TASP1: variants seen among roughly 807,000 people sequenced by gnomAD.
The protein encoded by TASP1 is threonine aspartase 1.
TASP1 carries 16 observed loss-of-function variants against 56.6 expected under a neutral mutation model. The ratio of observed to expected loss-of-function variants is 0.28; its 90% CI spans 0.19 to 0.43. TASP1 has a LOEUF of 0.43. Ranked by LOEUF, TASP1 falls within the 20% of genes least tolerant of loss-of-function variation. The pLI, the probability that TASP1 is intolerant of heterozygous loss-of-function variation, is 1.00. For synonymous variants in TASP1, 179 were observed against 184.2 expected (o/e 0.97, Z 0.23); for missense variants, 393 against 511.6 (o/e 0.77, Z 2.24).
the TASP1 span, among the ~76,000 whole-genome samples, chr20:13,161,823 TGCACACACAC>T: frequency 1.3e-5 from 2 of 152,176 alleles, no homozygotes; most frequent in African/African-American, 4.8e-5. Context: ...CGTACACATG[TGCACACACAC>T]GCACACACAC....
chr20:13,258,821 C>T, the TASP1 span, among the ~76,000 whole-genome samples: 1 of 152,136 alleles, frequency 6.6e-6, no homozygotes, highest in East Asian at 1.9e-4. Context: ...AGGACCCTCA[C>T]AGGAGGACAA....
At chr20:13,562,915 A>G (rs532712761) in intron 7 of TASP1, among the ~76,000 whole-genome samples, 15 of 128,682 alleles carry the variant, frequency 1.2e-4, no homozygotes, top group East Asian at 4.8e-4. Flanking sequence ...ACATATATAT[A>G]TGTGTGTGTG....
the TASP1 span, chr20:13,270,527 C>A: frequency 6.2e-7 from 1 of 1,613,482 alleles, no homozygotes; most frequent in East Asian, 2.2e-5. Context: ...TGGGAAGTGA[C>A]ACCACATCAG....
chr20:13,502,008 T>A (rs2043964425), intron 10 of TASP1, among the ~76,000 whole-genome samples: 1 of 151,966 alleles, frequency 6.6e-6, no homozygotes, highest in African/African-American at 2.4e-5. Flanking sequence ...GTGTGTACAC[T>A]TAGTAACAAA....
chr20:13,325,271 G>A, the TASP1 span, among the ~76,000 whole-genome samples: 7 of 152,190 alleles, frequency 4.6e-5, no homozygotes, highest in African/African-American at 1.2e-4. Context: ...AGAGGTCTCA[G>A]GTCTCTTCTG....
chr20:13,602,874 C>G (rs752017714), intron 4 of TASP1, among the ~76,000 whole-genome samples: 11 of 152,136 alleles, frequency 7.2e-5, no homozygotes, highest in African/African-American at 2.7e-4. Flanking sequence ...TTACGGACCC[C>G]TGCTCTAAAA....
intron 8 of TASP1, among the ~76,000 whole-genome samples, chr20:13,541,434 T>C (rs1376658573): frequency 6.6e-6 from 1 of 152,186 alleles, no homozygotes; most frequent in Non-Finnish European, 1.5e-5. Context: ...CTGCATTTAA[T>C]AAAGTCCGTA....
At chr20:13,336,112 T>C in the TASP1 span, among the ~76,000 whole-genome samples, 2 of 151,944 alleles carry the variant, frequency 1.3e-5, no homozygotes, top group South Asian at 4.2e-4. Context: ...AGAATACAAA[T>C]CCAAAAGGCT....
the TASP1 span, among the ~76,000 whole-genome samples, chr20:13,303,423 A>G: frequency 6.6e-6 from 1 of 152,176 alleles, no homozygotes; most frequent in Admixed American, 6.5e-5. Context: ...AACATTTCTA[A>G]AAGATAGCCT....
intron 13 of TASP1, among the ~76,000 whole-genome samples, chr20:13,412,288 G>T (rs1434620284): frequency 6.6e-6 from 1 of 152,180 alleles, no homozygotes; most frequent in Non-Finnish European, 1.5e-5. Flanking sequence ...ATATACCTCT[G>T]TGTTGAGTTT....
At position 13,460,856 on chromosome 20, in the gene TASP1, G is replaced by A. The variant is rs1028817848; in HGVS notation, c.985+22371C>T. 7.2e-5 allele frequency among the ~76,000 whole-genome samples: 11 copies of A among 152,180 alleles called. No homozygotes were observed. In the East Asian group the frequency reaches 7.7e-4, roughly 11 times the overall value. ...AGCCTAATAGCCTCCTATCTAGTCCGTCAGGTTCTACTCTTGCCTCCCAAA... is the reference window on the plus strand; with the variant it reads ...AGCCTAATAGCCTCCTATCTAGTCCATCAGGTTCTACTCTTGCCTCCCAAA... On this transcript the variant is annotated intron_variant, in intron 11 of 13. Transcript: ENST00000337743.
chr20:13,357,424 A>G, the TASP1 span, among the ~76,000 whole-genome samples: 2 of 152,198 alleles, frequency 1.3e-5, no homozygotes, highest in Admixed American at 6.5e-5. Context: ...TTTCACAACA[A>G]TGAAAAAGAA....
At chr20:13,457,139 G>C (rs530833038) in intron 11 of TASP1, among the ~76,000 whole-genome samples, 2 of 152,082 alleles carry the variant, frequency 1.3e-5, no homozygotes, top group African/African-American at 4.8e-5. Flanking sequence ...GGGACTGGGG[G>C]AGGGATAGCA....
At chr20:13,356,548 A>G in the TASP1 span, among the ~76,000 whole-genome samples, 1 of 152,112 alleles carries the variant, frequency 6.6e-6, no homozygotes, top group African/African-American at 2.4e-5. Flanking sequence ...CAGAAAATCT[A>G]TTTTTTTCAA....
the TASP1 span, among the ~76,000 whole-genome samples, chr20:13,184,268 T>C: frequency 4.6e-5 from 7 of 152,222 alleles, no homozygotes; most frequent in Non-Finnish European, 7.4e-5. Context: ...TAAGCCCAGG[T>C]ACCTATGAAA....
At chr20:13,469,561 G>A (rs1018054212) in intron 11 of TASP1, among the ~76,000 whole-genome samples, 5 of 152,066 alleles carry the variant, frequency 3.3e-5, no homozygotes, top group African/African-American at 9.6e-5. Context: ...TAAGAAGAAA[G>A]GAAGAAGAGA....
chr20:13,441,644 T>A (rs914897468), intron 11 of TASP1, among the ~76,000 whole-genome samples: 1 of 152,186 alleles, frequency 6.6e-6, no homozygotes. Flanking sequence ...CAGACAGTGA[T>A]AACATTTATC....
chr20:13,176,310 C>T, the TASP1 span, among the ~76,000 whole-genome samples: 8 of 152,280 alleles, frequency 5.3e-5, no homozygotes, highest in African/African-American at 1.9e-4. Flanking sequence ...GAGTGGGCAT[C>T]TTTGCCTTCT....
At chr20:13,168,820 G>C in the TASP1 span, 59 of 152,272 alleles carry the variant, frequency 3.9e-4, no homozygotes, top group Non-Finnish European at 7.4e-4. Flanking sequence ...AGAACAATTT[G>C]AAGTCTGTTC....
Sources: allele counts gnomAD v4.1 joint callset (sites outside exome capture counted in the v4.1 genomes callset), GRCh38; gene constraint gnomAD v4.1.1; transcripts MANE v1.5; gene names NCBI Gene and HGNC (gene_info 2026-07-23, HGNC 2026-07-21).